The following EYS variants were observed in gnomAD, a reference collection of about 807,000 sequenced individuals.
The protein encoded by EYS is EGF-like photoreceptor maintenance factor.
Under a neutral mutation model 282.1 loss-of-function variants are expected in EYS, and 250 were observed. The observed-to-expected ratio is 0.89, with a 90% confidence interval of 0.80 to 0.98. EYS has a LOEUF of 0.98. Among genes scored for constraint, EYS ranks in the 50% least tolerant of loss-of-function variants. EYS has a pLI of 0.00. For missense variants in EYS, 4,016 were observed against 3,709.0 expected, an observed-to-expected ratio of 1.08 and a Z score of -2.15; for synonymous variants, 1,355 against 1,282.9, an observed-to-expected ratio of 1.06 and a Z score of -1.20.
At chr6:65,478,997 C>G (rs1267610832) in intron 5 of EYS, among the ~76,000 whole-genome samples, 1 of 151,946 alleles carries the variant, frequency 6.6e-6, no homozygotes, top group East Asian at 1.9e-4. Flanking sequence ...ACGAAATTAT[C>G]TAATCTGTAG....
intron 26 of EYS, among the ~76,000 whole-genome samples, chr6:64,530,059 C>T (rs1469655804): frequency 2.6e-5 from 4 of 151,922 alleles, no homozygotes; most frequent in Admixed American, 2.6e-4. Flanking sequence ...CATATGCAGT[C>T]CATGTTTAAT....
intron 14 of EYS, among the ~76,000 whole-genome samples, chr6:64,946,264 A>T (rs1168386267): frequency 6.6e-6 from 1 of 152,044 alleles, no homozygotes; most frequent in African/African-American, 2.4e-5. Flanking sequence ...TAACTAAATA[A>T]CTAATTAAAC....
At chr6:65,050,803 A>G (rs755311079) in intron 13 of EYS, among the ~76,000 whole-genome samples, 9 of 151,660 alleles carry the variant, frequency 5.9e-5, no homozygotes, top group Non-Finnish European at 1.2e-4. Context: ...GCACTTAAAA[A>G]TATATACTTA....
At chr6:64,297,977 C>CAAAAAAAAAAAAAAAA (rs34562408) in intron 30 of EYS, among the ~76,000 whole-genome samples, 1 of 96,456 alleles carries the variant, frequency 1.0e-5, no homozygotes, top group African/African-American at 3.8e-5. Flanking sequence ...GATTCTGTCT[C>CAAAAAAAAAAAAAAAA]AAAAAAAAAA....
chr6:64,268,433 T>C (rs1767832444), intron 30 of EYS, among the ~76,000 whole-genome samples: 1 of 152,036 alleles, frequency 6.6e-6, no homozygotes, highest in African/African-American at 2.4e-5. Context: ...TTTTGGGTAA[T>C]TAAAATGATT....
At chr6:63,809,235 G>A (rs978607748) in intron 36 of EYS, among the ~76,000 whole-genome samples, 5 of 152,204 alleles carry the variant, frequency 3.3e-5, no homozygotes, top group East Asian at 1.9e-4. Flanking sequence ...GCAGAAGAAC[G>A]TGAGGGACTC....
intron 31 of EYS, among the ~76,000 whole-genome samples, chr6:64,123,519 G>A (rs1352127741): frequency 6.6e-6 from 1 of 152,204 alleles, no homozygotes; most frequent in Non-Finnish European, 1.5e-5. Flanking sequence ...AGCACAGGAG[G>A]TGTGAGACAC....
chr6:63,997,323 G>GT (rs1483424604), intron 34 of EYS, among the ~76,000 whole-genome samples: 3 of 152,196 alleles, frequency 2.0e-5, no homozygotes, highest in Non-Finnish European at 4.4e-5. Context: ...CCTGAAGGCT[G>GT]TAATATACCG....
intron 30 of EYS, among the ~76,000 whole-genome samples, chr6:64,304,721 A>G (rs758360986): frequency 6.6e-6 from 1 of 152,218 alleles, no homozygotes; most frequent in Non-Finnish European, 1.5e-5. Context: ...CAGAAGTAAA[A>G]CCAGAAAATT....
At chr6:65,190,135 G>A (rs1765606442) in intron 12 of EYS, among the ~76,000 whole-genome samples, 1 of 151,156 alleles carries the variant, frequency 6.6e-6, no homozygotes, top group African/African-American at 2.4e-5. Context: ...TGTGAGTGAT[G>A]CAACCATCAT....
At chr6:65,162,814 A>G (rs1404662568) in intron 12 of EYS, among the ~76,000 whole-genome samples, 1 of 150,990 alleles carries the variant, frequency 6.6e-6, no homozygotes, top group Non-Finnish European at 1.5e-5. Context: ...AGGACTTGAA[A>G]ATGTTTTGTT....
intron 13 of EYS, among the ~76,000 whole-genome samples, chr6:65,047,740 G>A (rs1773144744): frequency 6.6e-6 from 1 of 151,924 alleles, no homozygotes; most frequent in Middle Eastern, 3.2e-3. Context: ...AATGTGTGGG[G>A]AATTTAATAA....
Position 65,263,929 on chromosome 6 carries a change from A to C in EYS, c.2023+31934T>G, listed in dbSNP as rs193022901. 1.3e-3 allele frequency among the ~76,000 whole-genome samples: 193 copies of C among 152,156 alleles called. 1 individual carries two copies. The highest frequency in any genetic ancestry group is 4.3e-3 in the African/African-American group (178 of 41,528). ...CCTGTCTCTCAATAAAAAACAAGGA[A>C]GTAGAAAAAAACACAGAAAAGAAGT... is the stretch of plus-strand genomic sequence containing the variant. On this transcript the variant is annotated intron_variant, in intron 12 of 42. Coordinates refer to ENST00000503581, the MANE Select transcript of EYS (RefSeq NM_001142800.2).
At chr6:65,636,077 C>T (rs771857339) in intron 2 of EYS, among the ~76,000 whole-genome samples, 3 of 152,138 alleles carry the variant, frequency 2.0e-5, no homozygotes, top group Non-Finnish European at 4.4e-5. Context: ...ATTTATGCAG[C>T]GGGCAGGAAG....
chr6:64,135,234 A>G (rs1326748590), intron 31 of EYS, among the ~76,000 whole-genome samples: 1 of 152,054 alleles, frequency 6.6e-6, no homozygotes, highest in East Asian at 1.9e-4. Flanking sequence ...ACAGAAAAAC[A>G]AAGTTAGACA....
intron 13 of EYS, among the ~76,000 whole-genome samples, chr6:65,053,996 C>G (rs1422090170): frequency 6.6e-6 from 1 of 151,828 alleles, no homozygotes; most frequent in Non-Finnish European, 1.5e-5. Context: ...CGAATTTAAT[C>G]AGAAAACAAA....
At chr6:65,593,805 A>C (rs1319480659) in intron 2 of EYS, among the ~76,000 whole-genome samples, 1 of 151,786 alleles carries the variant, frequency 6.6e-6, no homozygotes, top group African/African-American at 2.4e-5. Context: ...TATTATGATT[A>C]TTTTACTTTA....
At chr6:65,664,108 G>A (rs113175709) in intron 1 of EYS, among the ~76,000 whole-genome samples, 2,620 of 152,018 alleles carry the variant, frequency 0.017, 81 homozygotes, top group African/African-American at 0.061. Context: ...CTGACCTCGT[G>A]ATCCGCCTGC....
intron 24 of EYS, among the ~76,000 whole-genome samples, chr6:64,610,092 AATGTT>A (rs1767061190): frequency 1.3e-5 from 2 of 152,108 alleles, no homozygotes; most frequent in African/African-American, 4.8e-5. Context: ...ATGGGTTAAC[AATGTT>A]ATCTTCAATA....
Sources: gnomAD v4.1 joint callset for allele counts (sites outside exome capture counted in the v4.1 genomes callset) on GRCh38, gnomAD v4.1.1 for gene constraint, MANE v1.5 for transcripts, NCBI Gene and HGNC (gene_info 2026-07-23, HGNC 2026-07-21) for gene names.